PCDHGB3: variants seen among roughly 807,000 people sequenced by gnomAD.
PCDHGB3 encodes protocadherin gamma-B3.
Under a neutral mutation model 59.2 loss-of-function variants are expected in PCDHGB3, and 40 were observed. That is an observed-to-expected ratio of 0.68 (90% CI 0.52 to 0.88). The LOEUF (loss-of-function observed/expected upper bound fraction) is 0.88. Ranked by LOEUF, PCDHGB3 falls within the 40% of genes least tolerant of loss-of-function variation. PCDHGB3 has a pLI of 0.00. For missense variants in PCDHGB3, 1,309 were observed against 1,187.9 expected, an observed-to-expected ratio of 1.10 and a Z score of -1.50; for synonymous variants, 581 against 503.6, an observed-to-expected ratio of 1.15 and a Z score of -2.06.
chr5:141,427,930 T>C, intron 1 of PCDHGB3: 2 of 1,583,398 alleles, frequency 1.3e-6, no homozygotes. Flanking sequence ...CGGCGCATGT[T>C]GGTGGGCGAC....
rs767719494 is a variant in PCDHGB3 at position 141,491,200 on chromosome 5, C to T, written c.2416-3607C>T. On this transcript the variant is annotated intron_variant, in intron 1 of 3. Coordinates refer to ENST00000576222, the MANE Select transcript of PCDHGB3 (RefSeq NM_018924.5). This position sits in a 1 kb window ranked among gnomAD's most constrained non-coding sequence, Gnocchi z 6.9. The stretch of plus-strand genomic sequence containing the variant: ...GGTCCTGGTGAGGGACAATGGTGAC[C>T]CTTCACTCTCCTCCACAGCCACAGT... 4 of 1,614,158 alleles carry T rather than the reference C, an allele frequency of 2.5e-6. No individual in the cohort carries two copies. The highest frequency in any genetic ancestry group is 3.4e-6 in the Non-Finnish European group (4 of 1,180,000).
At chr5:141,495,810 C>A (rs1003475681) in intron 2 of PCDHGB3, among the ~76,000 whole-genome samples, 2 of 152,088 alleles carry the variant, frequency 1.3e-5, no homozygotes, top group African/African-American at 4.8e-5. Flanking sequence ...CGTTTCCTAG[C>A]GCCTTGTGTT....
chr5:141,427,652 G>T, intron 1 of PCDHGB3: 1 of 721,166 alleles, frequency 1.4e-6, no homozygotes, highest in Non-Finnish European at 2.5e-6. Flanking sequence ...TCTCCTACGT[G>T]GTCCACGTGG....
At chr5:141,498,958 A>T (rs1200201746) in intron 2 of PCDHGB3, among the ~76,000 whole-genome samples, 2 of 123,248 alleles carry the variant, frequency 1.6e-5, no homozygotes, top group Admixed American at 1.8e-4. Flanking sequence ...AAAGAGAGAG[A>T]GGGAGGGAGG....
chr5:141,419,705 C>A, intron 1 of PCDHGB3: 1 of 1,613,038 alleles, frequency 6.2e-7, no homozygotes, highest in South Asian at 1.1e-5. Flanking sequence ...TGAGCCCGGG[C>A]TCTTCAGCCT....
chr5:141,385,615 T>C, intron 1 of PCDHGB3: 2 of 1,097,512 alleles, frequency 1.8e-6, no homozygotes, highest in East Asian at 4.2e-5. Flanking sequence ...ATATATTTTA[T>C]ACATTGGAAT....
rs569260568 is a variant in PCDHGB3, at chr5:141,408,294, A to G, written c.2415+35485A>G. The G allele has an allele frequency of 2.0e-5, 33 of 1,613,508 alleles. No homozygotes were observed. The East Asian group carries it at 7.1e-4, about 35-fold the overall frequency. ...CCTTTGTTCTACCCCACCCTGAGTG[A>G]GCCGATCCGCTACTCGATTCCGGAG... is the stretch of plus-strand genomic sequence containing the variant. On this transcript the variant is annotated intron_variant, in intron 1 of 3. Coordinates refer to ENST00000576222, the MANE Select transcript of PCDHGB3 (RefSeq NM_018924.5).
intron 1 of PCDHGB3, chr5:141,419,776 C>T (rs965350189): frequency 1.2e-6 from 2 of 1,614,026 alleles, no homozygotes; most frequent in Admixed American, 1.7e-5. Context: ...ACTCGGTCCG[C>T]CAGCGCCTGC....
chr5:141,510,529 A>G (rs2099881539), intron 3 of PCDHGB3, among the ~76,000 whole-genome samples: 2 of 152,242 alleles, frequency 1.3e-5, no homozygotes, highest in Admixed American at 6.5e-5. Flanking sequence ...CCCTGAGAGA[A>G]ATACCAGCGA....
At chr5:141,410,849 C>CTTGTTTTTTTTTTTTTTT (rs2095431880) in intron 1 of PCDHGB3, 1 of 129,786 alleles carries the variant, frequency 7.7e-6, no homozygotes, top group African/African-American at 6.0e-5. Context: ...TTGTCTTTGT[C>CTTGTTTTTTTTTTTTTTT]TTTTTTTTTT....
intron 1 of PCDHGB3, among the ~76,000 whole-genome samples, chr5:141,464,747 G>A (rs969116049): frequency 2.0e-5 from 3 of 151,812 alleles, no homozygotes; most frequent in Admixed American, 2.0e-4. Context: ...ATATCTTTTT[G>A]TTTTTTTAGA....
chr5:141,371,579 T>C lies in PCDHGB3; in HGVS notation c.1185T>C (p.Val395=). 1.2e-6 allele frequency: 2 copies of C among 1,613,852 alleles called. No individual in the cohort carries two copies. The highest frequency in any genetic ancestry group is 1.7e-6 in the Non-Finnish European group (2 of 1,179,824). The part of the protein sequence containing the change: ...QLKGNFPFKI[V]QDTKNTYRLV... ...AAGGAAACTTCCCCTTTAAAATCGTTCAAGATACCAAAAACACATACAGGT... is the reference window on the plus strand; with the variant it reads ...AAGGAAACTTCCCCTTTAAAATCGTCCAAGATACCAAAAACACATACAGGT... Residue 395 remains valine (V), a synonymous_variant, in exon 1 of 4, where the codon GTT becomes GTC. Transcript: ENST00000576222.
At position 141,511,005 on chromosome 5, in the gene PCDHGB3, C is replaced by T; in HGVS notation, c.2622C>T (p.Ala874=). ...GGGAGTMGLS[A]RYGPQFTLQH... The stretch of plus-strand genomic sequence containing the variant: ...GTGCCGGCACCATGGGATTGAGCGC[C>T]CGCTACGGACCCCAGTTCACCCTGC... Residue 874 remains alanine, a synonymous_variant, in exon 4 of 4, where the codon GCC becomes GCT. Coordinates refer to ENST00000576222, the MANE Select transcript of PCDHGB3 (RefSeq NM_018924.5). The T allele has an allele frequency of 6.2e-7, 1 of 1,614,176 alleles. No individual in the cohort carries two copies.
At chr5:141,389,926 A>G (rs1442843006) in intron 1 of PCDHGB3, 2 of 1,613,766 alleles carry the variant, frequency 1.2e-6, no homozygotes, top group Non-Finnish European at 1.7e-6. Context: ...GACCCCTCTG[A>G]CCTCCAGGCT....
At chr5:141,457,280 A>T (rs964027392) in intron 1 of PCDHGB3, among the ~76,000 whole-genome samples, 1 of 152,196 alleles carries the variant, frequency 6.6e-6, no homozygotes, top group Non-Finnish European at 1.5e-5. Flanking sequence ...TGGGCCTACG[A>T]AGTTCCTTGG....
chr5:141,383,833 A>T (rs1264167021), intron 1 of PCDHGB3: 2 of 1,613,926 alleles, frequency 1.2e-6, no homozygotes, highest in Non-Finnish European at 1.7e-6. Flanking sequence ...TTATGAAGAA[A>T]CTGCCTTCTA....
chr5:141,512,555 A>C lies in PCDHGB3; in HGVS notation c.*1382A>C, dbSNP rs1294402882. 2.6e-5 allele frequency: 4 copies of C among 152,986 alleles called. No individual in the cohort carries two copies. The highest frequency in any genetic ancestry group is 9.6e-5 in the African/African-American group (4 of 41,472). 9.5% of individuals were successfully genotyped at this position (152,986 alleles called of 1,614,324 possible). A position where few individuals can be genotyped will look rare whatever the true frequency, so the allele number is the denominator to read the frequency against. ...AGTTCCCCAGTGCCTCCTTGTGCAT[A>C]GACCTTCTTCTCCCACCCCCTTCTG... On this transcript the variant is annotated 3_prime_UTR_variant, in exon 4 of 4. Transcript: ENST00000576222.
rs751145850 is a variant in PCDHGB3 at position 141,432,148 on chromosome 5, G to A, written c.2415+59339G>A. The A allele has an allele frequency of 6.1e-5, 99 of 1,613,884 alleles. No individual in the cohort carries two copies. The Admixed American group carries it at 1.5e-3, about 24-fold the overall frequency. On this transcript the variant is annotated intron_variant, in intron 1 of 3. Transcript: ENST00000576222. The surrounding 1 kb of genome is among the most constrained non-coding windows in gnomAD (Gnocchi z 6.0). ...CCTCCTATTCCGCTTATATCCCAGA[G>A]AACAATCCCAGAGGAGTTTCCCTCG...
chr5:141,480,660 C>T (rs535356928), intron 1 of PCDHGB3, among the ~76,000 whole-genome samples: 2 of 152,170 alleles, frequency 1.3e-5, no homozygotes, highest in Non-Finnish European at 2.9e-5. Flanking sequence ...ACATTAAAAT[C>T]ACCTAGAGAC....
Sources: gnomAD v4.1 joint callset for allele counts (sites outside exome capture counted in the v4.1 genomes callset) on GRCh38, gnomAD v4.1.1 for gene constraint, Gnocchi (gnomAD v3.1) non-coding constraint, MANE v1.5 for transcripts, NCBI Gene and HGNC (gene_info 2026-07-23, HGNC 2026-07-21) for gene names.